The following GALNT13 variants were observed in gnomAD, a reference collection of about 807,000 sequenced individuals.
GALNT13 encodes the protein UDP-GalNAc:polypeptide N-acetylgalactosaminyltransferase 13.
In GALNT13, 28 loss-of-function variants were observed where a neutral mutation model predicts 64.2. That is an observed-to-expected ratio of 0.44 (90% CI 0.32 to 0.60). The LOEUF (loss-of-function observed/expected upper bound fraction) is 0.60. Among genes scored for constraint, GALNT13 ranks in the 20% least tolerant of loss-of-function variants. The pLI is 0.05. For synonymous variants in GALNT13, 214 were observed against 224.6 expected, an observed-to-expected ratio of 0.95 and a Z score of 0.42; for missense variants, 577 against 669.8, an observed-to-expected ratio of 0.86 and a Z score of 1.53.
At chr2:153,718,488 C>T in the GALNT13 span, among the ~76,000 whole-genome samples, 277 of 151,354 alleles carry the variant, frequency 1.8e-3, no homozygotes, top group East Asian at 0.015. Context: ...AACATTAGGA[C>T]GCCTTTAAAC....
chr2:153,413,322 G>C, the GALNT13 span, among the ~76,000 whole-genome samples: 27 of 152,260 alleles, frequency 1.8e-4, no homozygotes, highest in African/African-American at 6.5e-4. Flanking sequence ...AGATGGTGGA[G>C]AGTGCACTGG....
the GALNT13 span, among the ~76,000 whole-genome samples, chr2:153,734,119 AT>A: frequency 7.9e-5 from 12 of 152,110 alleles, no homozygotes; most frequent in African/African-American, 2.7e-4. Flanking sequence ...ATGCAACTCA[AT>A]TAAGTTTTCT....
the GALNT13 span, among the ~76,000 whole-genome samples, chr2:153,300,630 A>T: frequency 6.6e-6 from 1 of 152,136 alleles, no homozygotes; most frequent in African/African-American, 2.4e-5. Flanking sequence ...ATAGATAACA[A>T]TTTGTAAAAG....
intron 3 of GALNT13, among the ~76,000 whole-genome samples, chr2:154,080,969 G>A (rs1171378718): frequency 1.3e-5 from 2 of 151,350 alleles, no homozygotes; most frequent in Non-Finnish European, 3.0e-5. Context: ...ATGGCCTGTA[G>A]CATAAGTCCC....
intron 3 of GALNT13, among the ~76,000 whole-genome samples, chr2:154,087,047 T>A (rs1158191944): frequency 6.6e-6 from 1 of 152,084 alleles, no homozygotes; most frequent in East Asian, 1.9e-4. Flanking sequence ...CAAATTGCTA[T>A]CTTCTGAAAG....
intron 3 of GALNT13, among the ~76,000 whole-genome samples, chr2:154,034,160 T>G (rs1698515309): frequency 6.6e-6 from 1 of 152,068 alleles, no homozygotes; most frequent in South Asian, 2.1e-4. Flanking sequence ...TCACACAAAA[T>G]CTTATACGTA....
the GALNT13 span, among the ~76,000 whole-genome samples, chr2:153,085,387 A>T: frequency 6.6e-6 from 1 of 152,166 alleles, no homozygotes; most frequent in Non-Finnish European, 1.5e-5. Flanking sequence ...CCTTTATGGC[A>T]GTTCCTTCCA....
the GALNT13 span, among the ~76,000 whole-genome samples, chr2:153,773,538 A>T: frequency 6.6e-6 from 1 of 152,146 alleles, no homozygotes; most frequent in East Asian, 1.9e-4. Context: ...GATGTCCTTT[A>T]TTGAAGTAAT....
intron 7 of GALNT13, among the ~76,000 whole-genome samples, chr2:154,256,581 G>C (rs1339993134): frequency 6.6e-6 from 1 of 152,034 alleles, no homozygotes; most frequent in Non-Finnish European, 1.5e-5. Flanking sequence ...TATAGAGAGA[G>C]AGGAGCCCAA....
At chr2:153,125,436 A>G in the GALNT13 span, among the ~76,000 whole-genome samples, 2 of 152,228 alleles carry the variant, frequency 1.3e-5, no homozygotes, top group African/African-American at 4.8e-5. Flanking sequence ...AATGGGTCTG[A>G]TTCTGCAAAT....
chr2:154,248,018 TC>T (rs1689872493), intron 7 of GALNT13, among the ~76,000 whole-genome samples: 1 of 152,128 alleles, frequency 6.6e-6, no homozygotes, highest in South Asian at 2.1e-4. Flanking sequence ...GATAAATCAT[TC>T]TAGATGTTGA....
At chr2:153,268,667 G>A in the GALNT13 span, among the ~76,000 whole-genome samples, 2 of 152,220 alleles carry the variant, frequency 1.3e-5, no homozygotes, top group African/African-American at 4.8e-5. Flanking sequence ...GGTTCTCTAT[G>A]AGGGCTCCAC....
chr2:153,443,346 C>T, the GALNT13 span, among the ~76,000 whole-genome samples: 1 of 152,308 alleles, frequency 6.6e-6, no homozygotes, highest in African/African-American at 2.4e-5. Flanking sequence ...TGACACTCCA[C>T]CCTGCTTCAG....
At chr2:153,458,634 G>C in the GALNT13 span, among the ~76,000 whole-genome samples, 1 of 152,170 alleles carries the variant, frequency 6.6e-6, no homozygotes, top group Non-Finnish European at 1.5e-5. Context: ...TCTGCGGACA[G>C]ATTCTAGGCT....
chr2:153,594,099 CCTTTT>C, the GALNT13 span, among the ~76,000 whole-genome samples: 1 of 152,044 alleles, frequency 6.6e-6, no homozygotes, highest in African/African-American at 2.4e-5. Flanking sequence ...TTTTTGTTTA[CCTTTT>C]CTTTGGTAAT....
At chr2:153,105,644 C>T in the GALNT13 span, among the ~76,000 whole-genome samples, 61 of 152,274 alleles carry the variant, frequency 4.0e-4, no homozygotes, top group Non-Finnish European at 6.9e-4. Flanking sequence ...AGCCCAAAAT[C>T]TTAATCTGAT....
the GALNT13 span, among the ~76,000 whole-genome samples, chr2:153,293,047 A>G: frequency 6.6e-6 from 1 of 151,866 alleles, no homozygotes; most frequent in South Asian, 2.1e-4. Context: ...CAGGTGCTTG[A>G]TATCTTTATT....
the GALNT13 span, among the ~76,000 whole-genome samples, chr2:153,241,083 C>T: frequency 6.6e-6 from 1 of 152,248 alleles, no homozygotes; most frequent in African/African-American, 2.4e-5. Context: ...TTCTGTCCGT[C>T]TTGTCTTTGT....
chr2:153,253,181 C>G, the GALNT13 span, among the ~76,000 whole-genome samples: 5 of 150,464 alleles, frequency 3.3e-5, no homozygotes, highest in African/African-American at 1.2e-4. Flanking sequence ...AGAGGTCCTT[C>G]ACATCCCTTG....
Sources: allele counts gnomAD v4.1 joint callset (sites outside exome capture counted in the v4.1 genomes callset), GRCh38; gene constraint gnomAD v4.1.1; transcripts MANE v1.5; gene names NCBI Gene and HGNC (gene_info 2026-07-23, HGNC 2026-07-21).